SMARCE1: variants seen among roughly 807,000 people sequenced by gnomAD.
The protein encoded by SMARCE1 is SWI/SNF-related matrix-associated actin-dependent regulator of chromatin subfamily E member 1.
SMARCE1 carries 13 observed loss-of-function variants against 54.9 expected under a neutral mutation model. That is an observed-to-expected ratio of 0.24 (90% CI 0.15 to 0.38). The LOEUF (loss-of-function observed/expected upper bound fraction) is 0.38. Among genes scored for constraint, SMARCE1 ranks in the 10% least tolerant of loss-of-function variants. The pLI is 1.00. For missense variants in SMARCE1, 295 were observed against 523.8 expected (o/e 0.56, Z 4.26); for synonymous variants, 151 against 175.3 (o/e 0.86, Z 1.10).
chr17:40,640,820 C>T (rs1004975841), intron 4 of SMARCE1: 2 of 152,234 alleles, frequency 1.3e-5, no homozygotes, highest in Non-Finnish European at 2.9e-5. Flanking sequence ...TACTATGTAG[C>T]TAGTGTCCAC....
chr17:40,647,098 A>G (rs1597752711), intron 1 of SMARCE1: 1 of 152,216 alleles, frequency 6.6e-6, no homozygotes, highest in Non-Finnish European at 1.5e-5. Flanking sequence ...CTAGAATACA[A>G]AATTTAAGAG....
chr17:40,630,151 T>C (rs2143983305), intron 10 of SMARCE1: 2 of 879,948 alleles, frequency 2.3e-6, no homozygotes, highest in East Asian at 5.3e-5. Context: ...TGACGATCAA[T>C]GTAATCAGTA....
At chr17:40,639,603 AT>A (rs879712184) in intron 4 of SMARCE1, among the ~76,000 whole-genome samples, 10 of 152,150 alleles carry the variant, frequency 6.6e-5, no homozygotes, top group Non-Finnish European at 1.2e-4. Flanking sequence ...TCATCTGTAT[AT>A]TGAGACCAGT....
At chr17:40,646,463 C>G (rs759464088) in intron 1 of SMARCE1, among the ~76,000 whole-genome samples, 6 of 152,186 alleles carry the variant, frequency 3.9e-5, no homozygotes, top group Non-Finnish European at 8.8e-5. Flanking sequence ...AGGGAACTTT[C>G]TTGATACATT....
At chr17:40,631,442 T>C (rs1053944382) in intron 9 of SMARCE1, 150 bp downstream of exon 9, 1 of 566,728 alleles carries the variant, frequency 1.8e-6, no homozygotes, top group South Asian at 2.4e-5. Flanking sequence ...AACAATCTTA[T>C]AAAAAAAGGA....
intron 4 of SMARCE1, among the ~76,000 whole-genome samples, chr17:40,639,380 G>A (rs995487211): frequency 1.3e-5 from 2 of 152,118 alleles, no homozygotes; most frequent in Admixed American, 1.3e-4. Flanking sequence ...AGTTGGAATT[G>A]TGCCCATAAC....
Position 40,628,921 on chromosome 17 carries a change from T to G in SMARCE1, c.1100A>C (p.Lys367Thr). 6.2e-7 allele frequency: 1 copy of G among 1,613,840 alleles called. No homozygotes were observed. The highest frequency in any genetic ancestry group is 8.5e-7 in the Non-Finnish European group (1 of 1,179,804). Reference sequence around the variant, plus strand: ...GTCGACCCCCTCCTGCCCACTCTCCTTGTCCTCAGGAGTAGACGTGCCTTC... The same window carrying G: ...GTCGACCCCCTCCTGCCCACTCTCCGTGTCCTCAGGAGTAGACGTGCCTTC... Reference protein sequence around the residue: ...GEEGTSTPEDKESGQEGVDSM... With the variant: ...GEEGTSTPEDTESGQEGVDSM... The change falls in exon 11 of 11, where the codon AAG becomes ACG. Residue 367 changes from lysine to threonine, a missense_variant. Transcript: ENST00000348513.
intron 8 of SMARCE1, 115 bp downstream of exon 8, chr17:40,632,080 G>T: frequency 1.2e-6 from 1 of 821,346 alleles, no homozygotes; most frequent in Non-Finnish European, 1.9e-6. Context: ...TCCAAATCAG[G>T]AACAGGTTAG....
chr17:40,631,332 G>A (rs1463079581), intron 9 of SMARCE1: 1 of 368,958 alleles, frequency 2.7e-6, no homozygotes, highest in Admixed American at 4.2e-5. Context: ...TGACTGTATG[G>A]GAGTTTAACA....
At chr17:40,644,601 C>T (rs1282993688) in intron 3 of SMARCE1, 2 of 152,056 alleles carry the variant, frequency 1.3e-5, no homozygotes, top group African/African-American at 2.4e-5. Flanking sequence ...ACATATGGTA[C>T]GGTATCTCTT....
chr17:40,639,180 A>G (rs1567848056), intron 4 of SMARCE1, among the ~76,000 whole-genome samples: 1 of 152,196 alleles, frequency 6.6e-6, no homozygotes. Flanking sequence ...TGGGCAGCCA[A>G]TACAGGGAAA....
rs1400777896 is a variant in SMARCE1 at position 40,625,053 on chromosome 17, C to G, written c.*3732G>C. 1.8e-4 allele frequency: 27 copies of G among 152,068 alleles called. No individual in the cohort carries two copies. The highest frequency in any genetic ancestry group is 1.8e-3 in the Admixed American group (27 of 15,252). 9.4% of individuals were successfully genotyped at this position (152,068 alleles called of 1,614,324 possible). On this transcript the variant is annotated 3_prime_UTR_variant, in exon 11 of 11. Transcript: ENST00000348513. ...AGGTCATTCTGGCAAATAGAAAGTTCCATCATTTCACACTTAGAAAGCTGC... is the reference window on the plus strand; with the variant it reads ...AGGTCATTCTGGCAAATAGAAAGTTGCATCATTTCACACTTAGAAAGCTGC...
intron 1 of SMARCE1, among the ~76,000 whole-genome samples, chr17:40,646,694 T>C (rs1430470446): frequency 1.3e-5 from 2 of 152,194 alleles, no homozygotes; most frequent in Non-Finnish European, 2.9e-5. Flanking sequence ...TACATCAACA[T>C]ACATCACAAA....
At chr17:40,638,219 G>A (rs1334548899) in intron 4 of SMARCE1, among the ~76,000 whole-genome samples, 5 of 152,148 alleles carry the variant, frequency 3.3e-5, no homozygotes, top group Admixed American at 6.6e-5. Context: ...GTTTTGTCCT[G>A]AGTCCTAATC....
At chr17:40,646,343 A>G (rs1375292840) in intron 1 of SMARCE1, among the ~76,000 whole-genome samples, 2 of 152,210 alleles carry the variant, frequency 1.3e-5, no homozygotes, top group East Asian at 1.9e-4. Flanking sequence ...TGAACTTCAC[A>G]TTCTCTTATA....
At chr17:40,644,404 C>T (rs747406846) in intron 3 of SMARCE1, 5 of 151,560 alleles carry the variant, frequency 3.3e-5, no homozygotes, top group Admixed American at 6.6e-5. Context: ...AGCTGAAGTA[C>T]ATGGTTAGCT....
intron 4 of SMARCE1, among the ~76,000 whole-genome samples, chr17:40,638,747 C>G (rs942986531): frequency 5.3e-5 from 8 of 152,144 alleles, no homozygotes; most frequent in Non-Finnish European, 1.2e-4. Flanking sequence ...GAAGTGTTGG[C>G]TTTATTTTAA....
rs544853498 is a variant in SMARCE1, at chr17:40,629,752, GCAAAAATCAGTTATTTTAATTTT to G, written c.1028-782_1028-760del. On this transcript the variant is annotated intron_variant, in intron 10 of 10. Transcript: ENST00000348513. ...GAGTGTTTGTCTAGTTGCAAAATTA[GCAAAAATCAGTTATTTTAATTTT>G]CAAGCTCGTTTTAACCACAAAAATG... 1.4e-3 allele frequency: 538 copies of G among 394,714 alleles called. 4 individuals are homozygous for G. The highest frequency in any genetic ancestry group is 9.5e-3 in the African/African-American group (462 of 48,546). 24.5% of individuals were successfully genotyped at this position (394,714 alleles called of 1,614,324 possible).
At chr17:40,637,417 G>T (rs1416904005) in intron 5 of SMARCE1, 75 bp downstream of exon 5, 4 of 1,185,270 alleles carry the variant, frequency 3.4e-6, no homozygotes, top group South Asian at 1.2e-5. Context: ...TGGCTAAGCC[G>T]ATCTAAAGTT....
Sources: gnomAD v4.1 joint callset for allele counts (sites outside exome capture counted in the v4.1 genomes callset) on GRCh38, gnomAD v4.1.1 for gene constraint, MANE v1.5 for transcripts, NCBI Gene and HGNC (gene_info 2026-07-23, HGNC 2026-07-21) for gene names.